CBFA2T2: variants seen among roughly 807,000 people sequenced by gnomAD.
The protein encoded by CBFA2T2 is CBFA2/RUNX1 partner transcriptional co-repressor 2.
A neutral mutation model predicts 62.2 loss-of-function variants in CBFA2T2; 11 were observed. That is an observed-to-expected ratio of 0.18 (90% CI 0.11 to 0.29). The LOEUF (loss-of-function observed/expected upper bound fraction) is 0.29, where lower values mean the gene tolerates loss of function less well. Among genes scored for constraint, CBFA2T2 ranks in the 10% least tolerant of loss-of-function variants. CBFA2T2 has a pLI of 1.00. For synonymous variants in CBFA2T2, 295 were observed against 287.5 expected, an observed-to-expected ratio of 1.03 and a Z score of -0.27; for missense variants, 592 against 774.1, an observed-to-expected ratio of 0.76 and a Z score of 2.79.
chr20:33,622,333 T>C (rs887085768), intron 4 of CBFA2T2, among the ~76,000 whole-genome samples: 1 of 152,206 alleles, frequency 6.6e-6, no homozygotes, highest in Non-Finnish European at 1.5e-5. Context: ...AACTCTCCTT[T>C]CACTTGCTCA....
At chr20:33,560,469 A>G in intron 1 of CBFA2T2, among the ~76,000 whole-genome samples, 1 of 152,158 alleles carries the variant, frequency 6.6e-6, no homozygotes, top group African/African-American at 2.4e-5. Flanking sequence ...TTAACATAGG[A>G]CCTTTGTAGC....
At chr20:33,628,302 A>G (rs370065341) in intron 6 of CBFA2T2, 48 bp from the exon 7 acceptor site, 20 of 1,292,754 alleles carry the variant, frequency 1.5e-5, no homozygotes, top group Middle Eastern at 1.8e-4. Flanking sequence ...ATTTGCTTCT[A>G]TTGTGTTTTT....
At chr20:33,506,112 AAAG>A (rs1412197615) in intron 1 of CBFA2T2, among the ~76,000 whole-genome samples, 2 of 152,096 alleles carry the variant, frequency 1.3e-5, no homozygotes, top group Non-Finnish European at 2.9e-5. Context: ...TAAAAAAAGA[AAAG>A]AAATAGAAGG....
At chr20:33,495,952 G>C (rs1033305909) in intron 1 of CBFA2T2, among the ~76,000 whole-genome samples, 1 of 152,166 alleles carries the variant, frequency 6.6e-6, no homozygotes, top group Non-Finnish European at 1.5e-5. Flanking sequence ...GACACATTCT[G>C]TTCTGGTGGT....
chr20:33,504,660 C>T (rs1300042333), intron 1 of CBFA2T2, among the ~76,000 whole-genome samples: 1 of 152,012 alleles, frequency 6.6e-6, no homozygotes, highest in Non-Finnish European at 1.5e-5. Flanking sequence ...ACCTTGGCCT[C>T]CAAAAGTGCT....
At chr20:33,542,679 T>G (rs982422077) in intron 1 of CBFA2T2, among the ~76,000 whole-genome samples, 19 of 152,274 alleles carry the variant, frequency 1.2e-4, no homozygotes, top group African/African-American at 4.3e-4. Context: ...AGTCTTTTTT[T>G]GGGGGGTTCA....
chr20:33,533,872 G>T (rs1047127918), intron 1 of CBFA2T2, among the ~76,000 whole-genome samples: 3 of 152,122 alleles, frequency 2.0e-5, no homozygotes, highest in African/African-American at 4.8e-5. Context: ...CTACTCAGGA[G>T]GGTGAGGCTG....
chr20:33,500,571 T>C (rs1012153777), intron 1 of CBFA2T2, among the ~76,000 whole-genome samples: 2 of 151,936 alleles, frequency 1.3e-5, no homozygotes, highest in African/African-American at 2.4e-5. Flanking sequence ...TATTCAGCCA[T>C]GGTGGCGCAT....
intron 6 of CBFA2T2, among the ~76,000 whole-genome samples, chr20:33,626,311 T>C (rs1424432979): frequency 6.6e-6 from 1 of 152,216 alleles, no homozygotes; most frequent in Admixed American, 6.5e-5. Flanking sequence ...AGAAAGTGCA[T>C]GGACATTTAG....
At chr20:33,641,434 AAG>A (rs2016834594) in intron 10 of CBFA2T2, among the ~76,000 whole-genome samples, 1 of 152,202 alleles carries the variant, frequency 6.6e-6, no homozygotes, top group Admixed American at 6.5e-5. Context: ...CAAACTGAAA[AAG>A]AATCTGTGAC....
At chr20:33,625,841 G>A (rs543424083) in intron 6 of CBFA2T2, among the ~76,000 whole-genome samples, 96 of 151,932 alleles carry the variant, frequency 6.3e-4, no homozygotes, top group African/African-American at 2.2e-3. Flanking sequence ...GGTGGCTCAC[G>A]CCTGTAATCC....
At chr20:33,570,028 C>T (rs2013481374) in intron 1 of CBFA2T2, among the ~76,000 whole-genome samples, 1 of 152,162 alleles carries the variant, frequency 6.6e-6, no homozygotes, top group Admixed American at 6.6e-5. Context: ...ACCTGTAATC[C>T]CAGCAGTTTG....
intron 1 of CBFA2T2, among the ~76,000 whole-genome samples, chr20:33,501,131 C>T (rs1377351364): frequency 6.6e-6 from 1 of 152,172 alleles, no homozygotes; most frequent in African/African-American, 2.4e-5. Context: ...AGCTTGGTAT[C>T]CTTCTGTCTG....
chr20:33,630,226 G>A (rs2016399377), intron 8 of CBFA2T2, among the ~76,000 whole-genome samples: 1 of 152,092 alleles, frequency 6.6e-6, no homozygotes, highest in Non-Finnish European at 1.5e-5. Flanking sequence ...AGGATTACAG[G>A]CCTGAGCCAC....
intron 1 of CBFA2T2, among the ~76,000 whole-genome samples, chr20:33,555,263 C>T (rs1331650577): frequency 7.9e-5 from 12 of 151,420 alleles, no homozygotes; most frequent in Non-Finnish European, 1.6e-4. Context: ...CTAATGGCTG[C>T]CCAATTTAAA....
intron 1 of CBFA2T2, among the ~76,000 whole-genome samples, chr20:33,523,283 A>AT (rs1003329451): frequency 8.6e-5 from 13 of 151,078 alleles, no homozygotes; most frequent in African/African-American, 2.4e-4. Context: ...TTATTTATTT[A>AT]TTTTTTTTTA....
Position 33,621,287 on chromosome 20 carries a change from C to CTTTTTTT in CBFA2T2, c.510+1701_510+1707dup, listed in dbSNP as rs199805350. On this transcript the variant is annotated intron_variant, in intron 4 of 10. Coordinates refer to ENST00000342704, the MANE Select transcript of CBFA2T2 (RefSeq NM_001032999.3). The stretch of plus-strand genomic sequence containing the variant: ...TCTATAATACCTTTAATTTTACTGC[C>CTTTTTTT]TTTTTTTTTTTTTTTTTTTTTTTTT... 1.5e-3 allele frequency among the ~76,000 whole-genome samples: 126 copies of CTTTTTTT among 85,298 alleles called. 13 individuals carry two copies. The East Asian group carries it at 0.017, about 11-fold the overall frequency. 56.0% of individuals were successfully genotyped at this position (85,298 alleles called of 152,430 possible).
chr20:33,555,271 A>T (rs1379266284), intron 1 of CBFA2T2, among the ~76,000 whole-genome samples: 1 of 141,284 alleles, frequency 7.1e-6, no homozygotes, highest in African/African-American at 2.7e-5. Context: ...TGCCCAATTT[A>T]AAAAAAAAAA....
chr20:33,504,000 C>T (rs998567515), intron 1 of CBFA2T2, among the ~76,000 whole-genome samples: 3 of 152,110 alleles, frequency 2.0e-5, no homozygotes, highest in African/African-American at 7.2e-5. Flanking sequence ...ACACCCCTTT[C>T]TTTTCACCTC....
Sources: gnomAD v4.1 joint callset for allele counts (sites outside exome capture counted in the v4.1 genomes callset) on GRCh38, gnomAD v4.1.1 for gene constraint, MANE v1.5 for transcripts, NCBI Gene and HGNC (gene_info 2026-07-23, HGNC 2026-07-21) for gene names.